The following TCF4 variants were observed in gnomAD, a reference collection of about 807,000 sequenced individuals.
The protein encoded by TCF4 is transcription factor 4.
TCF4 carries 3 observed loss-of-function variants against 82.1 expected under a neutral mutation model. The ratio of observed to expected loss-of-function variants is 0.04; its 90% CI spans 0.02 to 0.09. The LOEUF is 0.09. Among genes scored for constraint, TCF4 ranks in the 10% least tolerant of loss-of-function variants. The probability of loss-of-function intolerance (pLI) is 1.00; values close to 1 mark genes in which losing one functional copy is unlikely to be tolerated. For missense variants in TCF4, 518 were observed against 852.7 expected (o/e 0.61, Z 4.89); for synonymous variants, 276 against 309.6 (o/e 0.89, Z 1.14).
chr18:55,374,327 T>A (rs184503676), intron 6 of TCF4, among the ~76,000 whole-genome samples: 74 of 150,174 alleles, frequency 4.9e-4, no homozygotes, highest in African/African-American at 1.8e-3. Context: ...AGATTATCAA[T>A]GAAACCAAAA....
intron 9 of TCF4, among the ~76,000 whole-genome samples, chr18:55,278,814 T>C (rs2061963731): frequency 3.7e-5 from 1 of 26,970 alleles, no homozygotes; most frequent in Non-Finnish European, 6.0e-5. Flanking sequence ...GTGATTTGCC[T>C]GCCTTGGCCT....
At chr18:55,271,979 G>A (rs2060477345) in intron 10 of TCF4, among the ~76,000 whole-genome samples, 1 of 151,960 alleles carries the variant, frequency 6.6e-6, no homozygotes, top group Non-Finnish European at 1.5e-5. Context: ...CCTGAAATGT[G>A]CAAAAATCAA....
chr18:55,244,303 T>G (rs551884526), intron 15 of TCF4, among the ~76,000 whole-genome samples: 1 of 152,302 alleles, frequency 6.6e-6, no homozygotes, highest in Non-Finnish European at 1.5e-5. Flanking sequence ...GAAGATATAG[T>G]CAGTTATGGT....
At chr18:55,283,673 T>C (rs1419121474) in intron 8 of TCF4, among the ~76,000 whole-genome samples, 1 of 152,232 alleles carries the variant, frequency 6.6e-6, no homozygotes, top group African/African-American at 2.4e-5. Flanking sequence ...ATTTATTAAC[T>C]AGGCAATCTT....
intron 18 of TCF4, 103 bp from the exon 19 acceptor site, chr18:55,228,464 T>A (rs534373255): frequency 6.7e-7 from 1 of 1,498,956 alleles, no homozygotes; most frequent in Non-Finnish European, 9.2e-7. Flanking sequence ...TCAGTGTTTA[T>A]ATTACAGAAC....
At chr18:55,466,216 C>T (rs2096014641) in intron 3 of TCF4, among the ~76,000 whole-genome samples, 1 of 152,120 alleles carries the variant, frequency 6.6e-6, no homozygotes, top group South Asian at 2.1e-4. Context: ...ATACCCTGTG[C>T]AGGGCACAGC....
intron 5 of TCF4, among the ~76,000 whole-genome samples, chr18:55,430,346 T>C (rs192842928): frequency 1.2e-3 from 190 of 152,350 alleles, no homozygotes; most frequent in Admixed American, 7.2e-3. Flanking sequence ...TGTTCACCTT[T>C]TAGCTCTCAT....
intron 3 of TCF4, among the ~76,000 whole-genome samples, chr18:55,514,425 AC>A (rs2096859538): frequency 2.6e-5 from 4 of 151,692 alleles, no homozygotes; most frequent in South Asian, 2.1e-4. Context: ...ACACACACAC[AC>A]ACACACACAC....
chr18:55,365,191 A>ATATATATATATATGTGTGTGTGTGTG (rs1361444592), intron 6 of TCF4, among the ~76,000 whole-genome samples: 1 of 97,946 alleles, frequency 1.0e-5, no homozygotes, highest in African/African-American at 5.0e-5. Context: ...ATATATATAT[A>ATATATATATATATGTGTGTGTGTGTG]TGTGTGTGTG....
At chr18:55,617,513 T>C (rs2097713265) in intron 2 of TCF4, among the ~76,000 whole-genome samples, 1 of 152,098 alleles carries the variant, frequency 6.6e-6, no homozygotes, top group African/African-American at 2.4e-5. Flanking sequence ...AATCTGTAGG[T>C]CACTTTGAGT....
intron 3 of TCF4, among the ~76,000 whole-genome samples, chr18:55,474,100 G>A (rs1682167058): frequency 1.3e-5 from 2 of 152,128 alleles, no homozygotes; most frequent in African/African-American, 2.4e-5. Flanking sequence ...TGCATAAACT[G>A]TTTACAGTTG....
chr18:55,389,738 A>G (rs2092919084), intron 6 of TCF4, among the ~76,000 whole-genome samples: 1 of 152,108 alleles, frequency 6.6e-6, no homozygotes, highest in Admixed American at 6.5e-5. Context: ...CCAAGGAACA[A>G]TGTTTTGTGG....
intron 2 of TCF4, among the ~76,000 whole-genome samples, chr18:55,612,115 G>A (rs2147965215): frequency 6.6e-6 from 1 of 152,252 alleles, no homozygotes; most frequent in South Asian, 2.1e-4. Context: ...CAGAAACTGG[G>A]CTGTATCTTA....
At chr18:55,549,580 A>G (rs1339127317) in intron 3 of TCF4, among the ~76,000 whole-genome samples, 2 of 152,196 alleles carry the variant, frequency 1.3e-5, no homozygotes, top group Non-Finnish European at 2.9e-5. Context: ...TGGGTCATCA[A>G]TATCAGTCTT....
At chr18:55,582,717 A>G (rs915809753) in intron 3 of TCF4, among the ~76,000 whole-genome samples, 7 of 152,152 alleles carry the variant, frequency 4.6e-5, no homozygotes, top group Non-Finnish European at 1.0e-4. Flanking sequence ...AACTTTAAGC[A>G]TGAATTATTA....
At chr18:55,510,704 G>C (rs960410415) in intron 3 of TCF4, 1 of 1,434,302 alleles carries the variant, frequency 7.0e-7, no homozygotes, top group African/African-American at 1.4e-5. Context: ...ACTTTAAAAG[G>C]CCTTTCTTTT....
chr18:55,322,526 C>T (rs2075867107), intron 8 of TCF4, among the ~76,000 whole-genome samples: 1 of 151,072 alleles, frequency 6.6e-6, no homozygotes, highest in Non-Finnish European at 1.5e-5. Flanking sequence ...ACCTACAAAA[C>T]GGGGTTGCGG....
At chr18:55,333,610 A>C (rs2078025287) in intron 8 of TCF4, among the ~76,000 whole-genome samples, 1 of 152,196 alleles carries the variant, frequency 6.6e-6, no homozygotes, top group Non-Finnish European at 1.5e-5. Context: ...ATAAGTGGCT[A>C]TGATGCTTAA....
chr18:55,410,033 C>T (rs867715825), intron 5 of TCF4, among the ~76,000 whole-genome samples: 4 of 152,166 alleles, frequency 2.6e-5, no homozygotes, highest in Non-Finnish European at 4.4e-5. Context: ...AAAAGAATTA[C>T]AACTCCATTC....
Sources: allele counts gnomAD v4.1 joint callset (sites outside exome capture counted in the v4.1 genomes callset), GRCh38; gene constraint gnomAD v4.1.1; transcripts MANE v1.5; gene names NCBI Gene and HGNC (gene_info 2026-07-23, HGNC 2026-07-21).